Variants in ASB7 observed in about 807,000 individuals in gnomAD.
The protein encoded by ASB7 is ankyrin repeat and SOCS box containing 7.
ASB7 carries 4 observed loss-of-function variants against 32.5 expected under a neutral mutation model. That is an observed-to-expected ratio of 0.12 (90% CI 0.06 to 0.28). The LOEUF is 0.28. ASB7 is among the 10% of genes least tolerant of loss of function. The pLI is 1.00. For missense variants in ASB7, 181 were observed against 407.1 expected (o/e 0.44, Z 4.78); for synonymous variants, 172 against 155.6 (o/e 1.11, Z -0.78).
chr15:100,615,844 A>G (rs1226440864), intron 4 of ASB7, among the ~76,000 whole-genome samples: 1 of 152,222 alleles, frequency 6.6e-6, no homozygotes, highest in African/African-American at 2.4e-5. Flanking sequence ...TCTGTCTCAG[A>G]TTCCATCGTA....
chr15:100,631,684 C>A (rs1455118523), intron 5 of ASB7, among the ~76,000 whole-genome samples: 1 of 152,154 alleles, frequency 6.6e-6, no homozygotes, highest in Non-Finnish European at 1.5e-5. Flanking sequence ...TTAACTCTAT[C>A]CCATGTTAGC....
intron 2 of ASB7, among the ~76,000 whole-genome samples, chr15:100,605,039 A>C (rs1475773002): frequency 6.6e-6 from 1 of 152,234 alleles, no homozygotes; most frequent in African/African-American, 2.4e-5. Context: ...GTCTGTGGCT[A>C]GTCCAGCACA....
chr15:100,642,403 A>G (rs925547908), intron 5 of ASB7, among the ~76,000 whole-genome samples: 5 of 152,238 alleles, frequency 3.3e-5, no homozygotes, highest in African/African-American at 4.8e-5. Context: ...TATTTACCAC[A>G]TTACCACATG....
chr15:100,614,961 T>G (rs1349566468), intron 4 of ASB7, among the ~76,000 whole-genome samples: 29 of 152,158 alleles, frequency 1.9e-4, no homozygotes, highest in Admixed American at 1.9e-3. Flanking sequence ...TGGACCCCAT[T>G]TACAATGGTG....
At chr15:100,615,068 G>C (rs1375332671) in intron 4 of ASB7, among the ~76,000 whole-genome samples, 1 of 152,176 alleles carries the variant, frequency 6.6e-6, no homozygotes, top group African/African-American at 2.4e-5. Flanking sequence ...ATTCAGTACA[G>C]TAACATGCTG....
chr15:100,608,637 C>T (rs1386537214), intron 2 of ASB7, among the ~76,000 whole-genome samples: 1 of 152,118 alleles, frequency 6.6e-6, no homozygotes, highest in East Asian at 1.9e-4. Flanking sequence ...GTATAAGGAT[C>T]GCTTTGCATG....
chr15:100,615,518 G>T (rs190132206), intron 4 of ASB7, among the ~76,000 whole-genome samples: 9 of 152,196 alleles, frequency 5.9e-5, no homozygotes, highest in Admixed American at 6.5e-5. Flanking sequence ...TATTTTTTGA[G>T]AATGGCTGGA....
chr15:100,645,743 A>C (rs1204003459), intron 5 of ASB7: 4 of 1,583,266 alleles, frequency 2.5e-6, no homozygotes, highest in East Asian at 4.5e-5. Flanking sequence ...TCCAGATGCT[A>C]AACATTTACA....
chr15:100,626,691 A>G (rs2039841786), intron 4 of ASB7, among the ~76,000 whole-genome samples: 1 of 152,112 alleles, frequency 6.6e-6, no homozygotes, highest in Admixed American at 6.6e-5. Flanking sequence ...TGTTATTCAA[A>G]TAGGCTCAAA....
intron 4 of ASB7, among the ~76,000 whole-genome samples, chr15:100,620,893 TA>T (rs2039786171): frequency 6.6e-6 from 1 of 152,176 alleles, no homozygotes; most frequent in Non-Finnish European, 1.5e-5. Flanking sequence ...CTCCAGAAGT[TA>T]AGTCTATAAA....
At chr15:100,645,771 T>C in intron 5 of ASB7, 1 of 1,579,254 alleles carries the variant, frequency 6.3e-7, no homozygotes, top group Non-Finnish European at 8.7e-7. Context: ...GAATAGGAAA[T>C]ACAATTAAAC....
intron 5 of ASB7, among the ~76,000 whole-genome samples, chr15:100,638,102 C>G (rs2039936846): frequency 6.6e-6 from 1 of 152,028 alleles, no homozygotes; most frequent in African/African-American, 2.4e-5. Flanking sequence ...TGAGCTTCTC[C>G]AATTTTAAAA....
At chr15:100,636,583 G>C (rs867600919) in intron 5 of ASB7, among the ~76,000 whole-genome samples, 1 of 151,988 alleles carries the variant, frequency 6.6e-6, no homozygotes, top group African/African-American at 2.4e-5. Flanking sequence ...TATAAACTTT[G>C]ACAAGATGTT....
Position 100,609,703 on chromosome 15 carries a change from C to T in ASB7, c.-173-4C>T, listed in dbSNP as rs2039678002. ...CTATGATTGTTATTTTTATTTGTTT[C>T]TAGGTTAAGAAGGCTTTTTTGCTCT... On this transcript the variant is annotated splice_region_variant and splice_polypyrimidine_tract_variant and intron_variant, in intron 2 of 5. Coordinates refer to ENST00000332783, the MANE Select transcript of ASB7 (RefSeq NM_198243.3). 2 of 152,100 alleles carry T rather than the reference C, an allele frequency of 1.3e-5. No individual in the cohort carries two copies. Among genetic ancestry groups the T allele is most frequent in the Non-Finnish European group, 2.9e-5 (2 of 67,996 alleles). 9.4% of individuals were successfully genotyped at this position (152,100 alleles called of 1,614,324 possible). A position where few individuals can be genotyped will look rare whatever the true frequency, so the allele number is the denominator to read the frequency against.
intron 5 of ASB7, among the ~76,000 whole-genome samples, chr15:100,639,292 T>C (rs2039945663): frequency 6.6e-6 from 1 of 152,258 alleles, no homozygotes; most frequent in Admixed American, 6.5e-5. Flanking sequence ...GATACTATTT[T>C]ATAAATATCA....
At chr15:100,617,780 T>C (rs2039756342) in intron 4 of ASB7, among the ~76,000 whole-genome samples, 1 of 152,250 alleles carries the variant, frequency 6.6e-6, no homozygotes, top group African/African-American at 2.4e-5. Context: ...TAAAGCTTCT[T>C]GAGGGTAGAA....
chr15:100,619,611 T>C (rs1357979366), intron 4 of ASB7, among the ~76,000 whole-genome samples: 1 of 152,226 alleles, frequency 6.6e-6, no homozygotes, highest in East Asian at 1.9e-4. Flanking sequence ...CATAGGTGTC[T>C]AATACCAGTC....
intron 4 of ASB7, among the ~76,000 whole-genome samples, chr15:100,620,989 TAGG>T (rs1354932565): frequency 6.6e-6 from 1 of 151,878 alleles, no homozygotes; most frequent in Admixed American, 6.6e-5. Context: ...AAGTAGGAGA[TAGG>T]GGGGTAATCA....
intron 4 of ASB7, among the ~76,000 whole-genome samples, chr15:100,619,810 C>T (rs937234277): frequency 2.6e-5 from 4 of 152,270 alleles, no homozygotes; most frequent in Non-Finnish European, 4.4e-5. Context: ...TGGGGAGCGG[C>T]CACGTGAAGC....
Sources: gnomAD v4.1 joint callset for allele counts (sites outside exome capture counted in the v4.1 genomes callset) on GRCh38, gnomAD v4.1.1 for gene constraint, MANE v1.5 for transcripts, NCBI Gene and HGNC (gene_info 2026-07-23, HGNC 2026-07-21) for gene names.